Variants in BNC2 observed in about 807,000 individuals in gnomAD.
BNC2 encodes the protein zinc finger protein basonuclin-2.
In BNC2, 20 loss-of-function variants were observed where a neutral mutation model predicts 76.3. The ratio of observed to expected loss-of-function variants is 0.26; its 90% CI spans 0.18 to 0.38. The LOEUF is 0.38. Among genes scored for constraint, BNC2 ranks in the 10% least tolerant of loss-of-function variants. The pLI, the probability that BNC2 is intolerant of heterozygous loss-of-function variation, is 1.00. For missense variants in BNC2, 1,382 were observed against 1,399.8 expected, an observed-to-expected ratio of 0.99 and a Z score of 0.20; for synonymous variants, 582 against 514.8, an observed-to-expected ratio of 1.13 and a Z score of -1.77.
chr9:16,592,637 T>C (rs1440371020), intron 3 of BNC2, among the ~76,000 whole-genome samples: 1 of 152,160 alleles, frequency 6.6e-6, no homozygotes, highest in East Asian at 1.9e-4. Context: ...ACAGTGAGTA[T>C]TTTAAATGGG....
intron 1 of BNC2, among the ~76,000 whole-genome samples, chr9:16,767,573 C>A (rs1206976485): frequency 1.3e-5 from 2 of 151,888 alleles, no homozygotes; most frequent in African/African-American, 2.4e-5. Context: ...AGATTAGAAG[C>A]CAAATGAGGC....
At chr9:16,729,451 T>C (rs1824444023) in intron 2 of BNC2, among the ~76,000 whole-genome samples, 1 of 152,172 alleles carries the variant, frequency 6.6e-6, no homozygotes, top group South Asian at 2.1e-4. Context: ...GTGTCATTAG[T>C]GGACAATGAG....
chr9:16,689,011 C>A (rs1051579492), intron 3 of BNC2, among the ~76,000 whole-genome samples: 2 of 151,922 alleles, frequency 1.3e-5, no homozygotes, highest in Non-Finnish European at 2.9e-5. Flanking sequence ...CAGGAGAATT[C>A]AACAAGGGAG....
chr9:16,639,952 C>T (rs774393492), intron 3 of BNC2, among the ~76,000 whole-genome samples: 1 of 151,936 alleles, frequency 6.6e-6, no homozygotes, highest in Non-Finnish European at 1.5e-5. Context: ...AAGTGGATTA[C>T]ATTTTTTCCC....
intron 6 of BNC2, among the ~76,000 whole-genome samples, chr9:16,430,154 T>C (rs1376495979): frequency 3.3e-5 from 5 of 151,900 alleles, no homozygotes; most frequent in African/African-American, 1.2e-4. Context: ...ACAAAAGGTC[T>C]ATTGATCTTG....
intron 3 of BNC2, among the ~76,000 whole-genome samples, chr9:16,703,036 C>T (rs766900306): frequency 3.3e-5 from 5 of 152,008 alleles, no homozygotes; most frequent in East Asian, 1.9e-4. Flanking sequence ...TACTTTTATG[C>T]GGAGAAGATT....
chr9:16,798,153 A>G (rs1817700712), intron 1 of BNC2, among the ~76,000 whole-genome samples: 1 of 152,204 alleles, frequency 6.6e-6, no homozygotes. Flanking sequence ...CTGCCAAGTA[A>G]TTAGGAAGAG....
chr9:16,422,989 A>C (rs1820738035), intron 6 of BNC2, among the ~76,000 whole-genome samples: 1 of 152,222 alleles, frequency 6.6e-6, no homozygotes, highest in South Asian at 2.1e-4. Context: ...GGAGAGACAC[A>C]GAAAGAACTC....
At chr9:16,521,840 T>G (rs549864997) in intron 5 of BNC2, among the ~76,000 whole-genome samples, 13 of 152,298 alleles carry the variant, frequency 8.5e-5, no homozygotes, top group African/African-American at 2.4e-4. Flanking sequence ...ATCCATGGGA[T>G]AGCTGCAACC....
At chr9:16,679,925 G>T (rs1051856940) in intron 3 of BNC2, among the ~76,000 whole-genome samples, 1 of 152,210 alleles carries the variant, frequency 6.6e-6, no homozygotes, top group Non-Finnish European at 1.5e-5. Context: ...AGTCCTCAGG[G>T]AAAGTCAGAA....
intron 1 of BNC2, among the ~76,000 whole-genome samples, chr9:16,784,909 T>C (rs1204138705): frequency 6.6e-6 from 1 of 152,176 alleles, no homozygotes; most frequent in East Asian, 1.9e-4. Context: ...TTCCAGGACT[T>C]GGTAAATGAC....
chr9:16,532,971 T>C (rs565954359), intron 5 of BNC2, among the ~76,000 whole-genome samples: 11 of 152,344 alleles, frequency 7.2e-5, no homozygotes, highest in Admixed American at 5.2e-4. Context: ...GCTATTGTAA[T>C]GCTACCAACA....
At position 16,826,226 on chromosome 9, in the gene BNC2, C is replaced by G. The variant is rs12686459; in HGVS notation, c.3+44420G>C. On this transcript the variant is annotated intron_variant, in intron 1 of 6. Coordinates refer to ENST00000380672, the MANE Select transcript of BNC2 (RefSeq NM_017637.6). Reference sequence around the variant, plus strand: ...CCTTTCTCCTTACTTCACTCCCCCCCGCTCAATCTTCCCCCATAACCCAGA... The same window carrying G: ...CCTTTCTCCTTACTTCACTCCCCCCGGCTCAATCTTCCCCCATAACCCAGA... Among the ~76,000 whole-genome samples the G allele has an allele frequency of 8.3e-4, 106 of 127,914 alleles. 1 individual carries two copies. The East Asian group carries it at 0.016, about 20-fold the overall frequency. 83.9% of individuals were successfully genotyped at this position (127,914 alleles called of 152,430 possible). A position where few individuals can be genotyped will look rare whatever the true frequency, so the allele number is the denominator to read the frequency against.
chr9:16,740,117 A>G (rs937513619), intron 1 of BNC2, among the ~76,000 whole-genome samples: 2 of 152,256 alleles, frequency 1.3e-5, no homozygotes, highest in Non-Finnish European at 2.9e-5. Flanking sequence ...TGATTGTCCA[A>G]CGTTCCACCT....
intron 1 of BNC2, among the ~76,000 whole-genome samples, chr9:16,808,667 A>G (rs1817972472): frequency 1.3e-5 from 2 of 151,326 alleles, no homozygotes; most frequent in Non-Finnish European, 1.5e-5. Context: ...GTTTTTTTGT[A>G]GAGATGGGGT....
chr9:16,546,866 T>G lies in BNC2; in HGVS notation c.669+5664A>C, dbSNP rs549201355. Among the ~76,000 whole-genome samples the G allele has an allele frequency of 2.0e-4, 30 of 152,296 alleles. No individual in the cohort carries two copies. In the South Asian group the frequency reaches 6.2e-3, roughly 32 times the overall value. On this transcript the variant is annotated intron_variant, in intron 5 of 6. Coordinates refer to ENST00000380672, the MANE Select transcript of BNC2 (RefSeq NM_017637.6). Reference sequence around the variant, plus strand: ...AAACAAAAAACAAACATCCAAATATTGCCCATAGAGTCAAAGACCTGAATT... The same window carrying G: ...AAACAAAAAACAAACATCCAAATATGGCCCATAGAGTCAAAGACCTGAATT...
chr9:16,689,472 C>A (rs747114681), intron 3 of BNC2, among the ~76,000 whole-genome samples: 3 of 152,136 alleles, frequency 2.0e-5, no homozygotes, highest in Non-Finnish European at 2.9e-5. Context: ...CTGATAGACA[C>A]TATGAAAGTC....
intron 1 of BNC2, among the ~76,000 whole-genome samples, chr9:16,814,515 T>C (rs1051760423): frequency 2.0e-5 from 3 of 152,232 alleles, no homozygotes; most frequent in African/African-American, 7.2e-5. Context: ...CCCTAAATTA[T>C]CCAAGTTTGT....
At chr9:16,465,928 AC>A (rs2131309635) in intron 5 of BNC2, among the ~76,000 whole-genome samples, 1 of 145,880 alleles carries the variant, frequency 6.9e-6, no homozygotes, top group South Asian at 2.3e-4. Flanking sequence ...TATCTAGAAA[AC>A]CCCATCGTCT....
Sources: allele counts gnomAD v4.1 joint callset (sites outside exome capture counted in the v4.1 genomes callset), GRCh38; gene constraint gnomAD v4.1.1; transcripts MANE v1.5; gene names NCBI Gene and HGNC (gene_info 2026-07-23, HGNC 2026-07-21).